Variants in SIRPB2 observed in about 807,000 individuals in gnomAD.
SIRPB2 encodes signal-regulatory protein beta-2.
A neutral mutation model predicts 27.1 loss-of-function variants in SIRPB2; 18 were observed. That is an observed-to-expected ratio of 0.66 (90% CI 0.46 to 0.98). SIRPB2 has a LOEUF of 0.98. Ranked by LOEUF, SIRPB2 falls within the 50% of genes least tolerant of loss-of-function variation. The pLI is 0.00. For missense variants in SIRPB2, 420 were observed against 417.4 expected, an observed-to-expected ratio of 1.01 and a Z score of -0.06; for synonymous variants, 150 against 164.6, an observed-to-expected ratio of 0.91 and a Z score of 0.68.
intron 1 of SIRPB2, among the ~76,000 whole-genome samples, chr20:1,485,653 C>CACCACA (rs1555799540): frequency 1.2e-4 from 17 of 147,084 alleles, no homozygotes; most frequent in Admixed American, 1.4e-4. Context: ...CACACACACA[C>CACCACA]CACACACACA....
Position 1,478,264 on chromosome 20 carries a change from A to C in SIRPB2, c.793+2T>G. 1 of 1,608,836 alleles carries C rather than the reference A, an allele frequency of 6.2e-7. No individual in the cohort carries two copies. The highest frequency in any genetic ancestry group is 8.5e-7 in the Non-Finnish European group (1 of 1,176,020). ...CGACAAGTCCAAAACCAATTGTCTCACCTTTCACTTTCAGGCTGGTGCCCT... is the reference window on the plus strand; with the variant it reads ...CGACAAGTCCAAAACCAATTGTCTCCCCTTTCACTTTCAGGCTGGTGCCCT... On this transcript the variant is annotated splice_donor_variant, in intron 3 of 4. Transcript: ENST00000359801. LOFTEE classifies it high-confidence loss of function.
chr20:1,488,639 C>A (rs1169728441), intron 1 of SIRPB2, among the ~76,000 whole-genome samples: 2 of 62,218 alleles, frequency 3.2e-5, no homozygotes, highest in Non-Finnish European at 7.7e-5. Context: ...CAGAGTGAGA[C>A]CCTGTCTCAA....
downstream of SIRPB2, among the ~76,000 whole-genome samples, chr20:1,474,149 A>G (rs2122999318): frequency 6.6e-6 from 1 of 152,310 alleles, no homozygotes; most frequent in South Asian, 2.1e-4. Context: ...GCTCACTTAG[A>G]TAATCCAGGG....
downstream of SIRPB2, chr20:1,471,003 G>A (rs1178745936): frequency 6.6e-6 from 1 of 152,206 alleles, no homozygotes; most frequent in African/African-American, 2.4e-5. Context: ...TTCCAGCCAG[G>A]TCAGCCCACT....
intron 1 of SIRPB2, among the ~76,000 whole-genome samples, chr20:1,480,830 T>C (rs1037015860): frequency 9.2e-5 from 14 of 152,226 alleles, no homozygotes; most frequent in African/African-American, 3.1e-4. Context: ...GTGACAGGCT[T>C]GATTCAAGCC....
chr20:1,478,457 C>G lies in SIRPB2; in HGVS notation c.602G>C (p.Arg201Pro). 2 of 1,614,152 alleles carry G rather than the reference C, an allele frequency of 1.2e-6. No individual in the cohort carries two copies. The highest frequency in any genetic ancestry group is 1.7e-6 in the Non-Finnish European group (2 of 1,180,026). ...GCCTCCAAAGTTGTAAATGGCCTCC[C>G]GGCTCAGACCAGCTCCCTGGAACCA... ...IRWFQGAGLS[R>P]EAIYNFGGIS... Residue 201 changes from arginine (R) to proline (P), a missense_variant, in exon 3 of 5, where the codon CGG becomes CCG. Coordinates refer to ENST00000359801, the MANE Select transcript of SIRPB2 (RefSeq NM_001122962.2).
chr20:1,484,953 T>C (rs1442675731), intron 1 of SIRPB2, among the ~76,000 whole-genome samples: 1 of 152,112 alleles, frequency 6.6e-6, no homozygotes, highest in Admixed American at 6.5e-5. Flanking sequence ...TGAATGAAGA[T>C]GGAGTTCATT....
Position 1,477,123 on chromosome 20 carries a change from A to G in SIRPB2, c.859+215T>C, listed in dbSNP as rs763753492. 53 of 1,523,448 alleles carry G rather than the reference A, an allele frequency of 3.5e-5. No individual in the cohort carries two copies. In the East Asian group the frequency reaches 1.3e-3, roughly 37 times the overall value. The allele number at this position is 1,523,448 out of a possible 1,614,324, so 94.4% of individuals were successfully genotyped here. On this transcript the variant is annotated intron_variant, in intron 4 of 4. Transcript: ENST00000359801. ...AAACAACATTTCCCACTAAACAGTT[A>G]CATGGCCCTGGCTATGAGAAAGTTC...
In SIRPB2 at chr20:1,478,610, G is replaced by C. The variant is rs764015730; in HGVS notation, c.452-3C>G. 10 of 1,554,724 alleles carry C rather than the reference G, an allele frequency of 6.4e-6. No individual in the cohort carries two copies. Among genetic ancestry groups the C allele is most frequent in the South Asian group, 1.2e-5 (1 of 84,732 alleles). ...GTCTGGTTCAGGGTCCCCAGCTCCT[G>C]AAGCCAAAGAGGAGGTCCTTGTTGA... On this transcript the variant is annotated splice_polypyrimidine_tract_variant and splice_region_variant and intron_variant, in intron 2 of 4. Transcript: ENST00000359801.
At chr20:1,483,941 A>T (rs1267155527) in intron 1 of SIRPB2, among the ~76,000 whole-genome samples, 2 of 152,186 alleles carry the variant, frequency 1.3e-5, no homozygotes, top group East Asian at 3.9e-4. Context: ...TTTTTCTGGG[A>T]TTTTGTAAAT....
chr20:1,490,708 G>A (rs1264075216), intron 1 of SIRPB2, among the ~76,000 whole-genome samples: 1 of 152,202 alleles, frequency 6.6e-6, no homozygotes, highest in Non-Finnish European at 1.5e-5. Context: ...AAACTGGTTA[G>A]TGGTGAGGTT....
chr20:1,484,530 G>C (rs1054162866), intron 1 of SIRPB2, among the ~76,000 whole-genome samples: 2 of 151,642 alleles, frequency 1.3e-5, no homozygotes, highest in Non-Finnish European at 3.0e-5. Context: ...ATTAAAAAGT[G>C]GGCAAAGGAC....
intron 1 of SIRPB2, among the ~76,000 whole-genome samples, chr20:1,485,456 T>C (rs2090715742): frequency 6.6e-6 from 1 of 152,130 alleles, no homozygotes; most frequent in African/African-American, 2.4e-5. Context: ...TGCGGGATTC[T>C]GTTAAAGCAA....
Position 1,479,844 on chromosome 20 carries a change from A to C in SIRPB2, c.307T>G (p.Ser103Ala). Residue 103 changes from serine (S) to alanine (A), a missense_variant, in exon 2 of 5, where the codon TCA becomes GCA. Physicochemically the swap from Ser to Ala is moderately conservative, Grantham distance 99 (BLOSUM62 1). Coordinates refer to ENST00000359801, the MANE Select transcript of SIRPB2 (RefSeq NM_001122962.2). ...GAATAATCACAATTCAGTGGTTCTG[A>C]TGTCCGTTGGATCATGGGCATTACC... ...PGVMPMIQRT[S>A]EPLNCDYSIY... The C allele has an allele frequency of 6.2e-7, 1 of 1,614,230 alleles. No homozygotes were observed. The highest frequency in any genetic ancestry group is 8.5e-7 in the Non-Finnish European group (1 of 1,180,040).
At chr20:1,486,988 G>A (rs1201600677) in intron 1 of SIRPB2, among the ~76,000 whole-genome samples, 1 of 151,942 alleles carries the variant, frequency 6.6e-6, no homozygotes, top group Non-Finnish European at 1.5e-5. Context: ...CTGTGAAAAA[G>A]GTAGTAGGAA....
At chr20:1,477,429 A>T in intron 3 of SIRPB2, 26 bp from the exon 4 acceptor site, 1 of 1,597,076 alleles carries the variant, frequency 6.3e-7, no homozygotes, top group South Asian at 1.1e-5. Context: ...GCTTTGTCAT[A>T]CTTCCCTTTA....
rs1403847734 is a variant in SIRPB2 at position 1,475,687 on chromosome 20, T to G, written c.*480A>C. On this transcript the variant is annotated 3_prime_UTR_variant, in exon 5 of 5. Coordinates refer to ENST00000359801, the MANE Select transcript of SIRPB2 (RefSeq NM_001122962.2). ...TTGCTGAACCTGCATTCTAATATTATACCTGCCCAAGCCAGCCATGAGGGG... is the reference window on the plus strand; with the variant it reads ...TTGCTGAACCTGCATTCTAATATTAGACCTGCCCAAGCCAGCCATGAGGGG... 6.3e-6 allele frequency: 1 copy of G among 158,626 alleles called. No individual in the cohort carries two copies. The highest frequency in any genetic ancestry group is 1.4e-5 in the Non-Finnish European group (1 of 72,818). The allele number at this position is 158,626 out of a possible 1,614,324, so 9.8% of individuals were successfully genotyped here. A position where few individuals can be genotyped will look rare whatever the true frequency, so the allele number is the denominator to read the frequency against.
intron 1 of SIRPB2, among the ~76,000 whole-genome samples, chr20:1,485,214 GATTTCAAAAT>G (rs2090713303): frequency 6.6e-6 from 1 of 152,118 alleles, no homozygotes; most frequent in Admixed American, 6.6e-5. Context: ...ATGTATTGTA[GATTTCAAAAT>G]AGCTTGAAGA....
chr20:1,487,919 C>T (rs530371413), intron 1 of SIRPB2, among the ~76,000 whole-genome samples: 167 of 152,266 alleles, frequency 1.1e-3, no homozygotes, highest in African/African-American at 3.7e-3. Context: ...TGGTTTATAT[C>T]TCAAACTATA....
Sources: allele counts gnomAD v4.1 joint callset (sites outside exome capture counted in the v4.1 genomes callset), GRCh38; gene constraint gnomAD v4.1.1; transcripts MANE v1.5; gene names NCBI Gene and HGNC (gene_info 2026-07-23, HGNC 2026-07-21).